ITGA3: variants seen among roughly 807,000 people sequenced by gnomAD.
The protein encoded by ITGA3 is integrin subunit alpha 3, also known as integrin alpha-3.
A neutral mutation model predicts 131.1 loss-of-function variants in ITGA3; 70 were observed. The ratio of observed to expected loss-of-function variants is 0.53; its 90% confidence interval spans 0.44 to 0.65. ITGA3 has a LOEUF of 0.65. ITGA3 is among the 30% of genes least tolerant of loss of function. The probability of loss-of-function intolerance (pLI) is 0.00; values close to 1 mark genes in which losing one functional copy is unlikely to be tolerated. For synonymous variants in ITGA3, 537 were observed against 571.6 expected, an observed-to-expected ratio of 0.94 and a Z score of 0.86; for missense variants, 1,098 against 1,388.6, an observed-to-expected ratio of 0.79 and a Z score of 3.33.
chr17:50,080,237 G>T, intron 21 of ITGA3, 25 bp from the exon 22 acceptor site: 1 of 1,379,488 alleles, frequency 7.2e-7, no homozygotes. Context: ...ACTATGTCAC[G>T]TCTTGCGTTC....
chr17:50,077,478 C>T, intron 16 of ITGA3, 31 bp downstream of exon 16: 1 of 1,551,188 alleles, frequency 6.4e-7, no homozygotes, highest in Non-Finnish European at 8.9e-7. Flanking sequence ...CCCAGTCCTC[C>T]TGGGTCCCTG....
rs1399906550 is a variant in ITGA3, at chr17:50,056,460, C to G, written c.21C>G (p.Arg7=). 1 of 1,535,940 alleles carries G rather than the reference C, an allele frequency of 6.5e-7. No homozygotes were observed. Among genetic ancestry groups the G allele is most frequent in the Non-Finnish European group, 8.8e-7 (1 of 1,141,212 alleles). Reference sequence around the variant, plus strand: ...CAGCCATGGGCCCCGGCCCCAGCCGCGCGCCCCGCGCCCCACGCCTGATGC... The same window carrying G: ...CAGCCATGGGCCCCGGCCCCAGCCGGGCGCCCCGCGCCCCACGCCTGATGC... MGPGPS[R]APRAPRLMLC... The change falls in exon 1 of 26, where the codon CGC becomes CGG. Residue 7 remains arginine, a synonymous_variant. Coordinates refer to ENST00000320031, the MANE Select transcript of ITGA3 (RefSeq NM_002204.4). The surrounding 1 kb of genome is among the most constrained non-coding windows in gnomAD (Gnocchi z 5.6).
chr17:50,064,352 A>G lies in ITGA3; in HGVS notation c.334+148A>G, dbSNP rs1013418576. The stretch of plus-strand genomic sequence containing the variant: ...CTGGGAAGAGGGTGCCCTAGAGGAG[A>G]GTGGGGCTGGATGGGATTGGTAGAG... On this transcript the variant is annotated intron_variant, in intron 2 of 25. Coordinates refer to ENST00000320031, the MANE Select transcript of ITGA3 (RefSeq NM_002204.4). The surrounding 1 kb of genome is among the most constrained non-coding windows in gnomAD (Gnocchi z 4.4). The G allele has an allele frequency of 1.9e-5, 22 of 1,182,738 alleles. No homozygotes were observed. Among genetic ancestry groups the G allele is most frequent in the Non-Finnish European group, 2.5e-5 (21 of 840,270 alleles). 73.3% of individuals were successfully genotyped at this position (1,182,738 alleles called of 1,614,324 possible). A position where few individuals can be genotyped will look rare whatever the true frequency, so the allele number is the denominator to read the frequency against.
chr17:50,072,097 C>A lies in ITGA3; in HGVS notation c.1071C>A (p.Pro357=), dbSNP rs1908657976. Residue 357 remains proline (P), a synonymous_variant, in exon 7 of 26, where the codon CCC becomes CCA. Transcript: ENST00000320031. ...NQAGTSFPAH[P]SLLLHGPSGS... ...CGGGAACCTCCTTCCCTGCTCACCC[C>A]TCACTCCTTCTTCATGGCCCCAGTG... 2 of 1,614,102 alleles carry A rather than the reference C, an allele frequency of 1.2e-6. No individual in the cohort carries two copies. The highest frequency in any genetic ancestry group is 4.5e-5 in the East Asian group (2 of 44,864).
Position 50,079,580 on chromosome 17 carries a change from G to A in ITGA3, c.2706+23G>A, listed in dbSNP as rs562810123. On this transcript the variant is annotated intron_variant, in intron 21 of 25. Coordinates refer to ENST00000320031, the MANE Select transcript of ITGA3 (RefSeq NM_002204.4). ...CTGGTGAGTGGCCAGGGCGAGGTTG[G>A]AGGGGATTGCATCCACCCCATCACA... The A allele has an allele frequency of 2.0e-5, 30 of 1,506,830 alleles. No individual in the cohort carries two copies. In the South Asian group the frequency reaches 3.3e-4, roughly 16 times the overall value. 93.3% of individuals were successfully genotyped at this position (1,506,830 alleles called of 1,614,324 possible). A position where few individuals can be genotyped will look rare whatever the true frequency, so the allele number is the denominator to read the frequency against.
At position 50,079,114 on chromosome 17, in the gene ITGA3, C is replaced by A. The variant is rs1462585644; in HGVS notation, c.2439C>A (p.Thr813=). Residue 813 remains threonine, a synonymous_variant, in exon 20 of 26, where the codon ACC becomes ACA. Transcript: ENST00000320031. ...GGGAGGGGCTGGTGGGCCTGGGGAC[C>A]CTGGTCCTAGGTCTGGAGTGGCCCT... is the stretch of plus-strand genomic sequence containing the variant. The part of the protein sequence containing the change: ...PMGEGLVGLG[T]LVLGLEWPYE... 3.1e-6 allele frequency: 5 copies of A among 1,613,664 alleles called. No individual in the cohort carries two copies. The highest frequency in any genetic ancestry group is 1.6e-4 in the Middle Eastern group (1 of 6,082).
At position 50,090,038 on chromosome 17, in the gene ITGA3, C is replaced by T. The variant is rs1450398432; in HGVS notation, c.*960C>T. ...CAGAGAGGAGGGGACCAATTCTGGACAGACAGATGTTGGGAGGATACAGAG... is the reference window on the plus strand; with the variant it reads ...CAGAGAGGAGGGGACCAATTCTGGATAGACAGATGTTGGGAGGATACAGAG... On this transcript the variant is annotated 3_prime_UTR_variant, in exon 26 of 26. Transcript: ENST00000320031. The T allele has an allele frequency of 1.0e-5, 3 of 292,306 alleles. No homozygotes were observed. In the East Asian group the frequency reaches 2.9e-4, roughly 28 times the overall value. 18.1% of individuals were successfully genotyped at this position (292,306 alleles called of 1,614,324 possible).
Position 50,077,051 on chromosome 17 carries a change from G to T in ITGA3, c.2000G>T (p.Gly667Val). The change falls in exon 15 of 26, where the codon GGG (glycine) becomes GTG (valine). Residue 667 changes from glycine to valine, a missense_variant. Coordinates refer to ENST00000320031, the MANE Select transcript of ITGA3 (RefSeq NM_002204.4). ...AACACCCGGACCTCGGAGCGCTCCG[G>T]GGAGGACGCCCACGAGGCGCTGCTC... ...VTNTRTSERS[G>V]EDAHEALLTL... The T allele has an allele frequency of 6.2e-7, 1 of 1,607,000 alleles. No homozygotes were observed.
Position 50,064,619 on chromosome 17 carries a change from C to A in ITGA3, c.414+12C>A. On this transcript the variant is annotated intron_variant, in intron 3 of 25. Transcript: ENST00000320031. The surrounding 1 kb of genome is among the most constrained non-coding windows in gnomAD (Gnocchi z 4.4). The stretch of plus-strand genomic sequence containing the variant: ...CAGGCAGAGTTCTGGTAAGTGGGTG[C>A]TCAGTGTTGGCTCCTCCACCTCTAC... 3 of 1,607,946 alleles carry A rather than the reference C, an allele frequency of 1.9e-6. No homozygotes were observed. The highest frequency in any genetic ancestry group is 2.5e-6 in the Non-Finnish European group (3 of 1,177,384).
intron 6 of ITGA3, 84 bp downstream of exon 6, chr17:50,071,602 G>T: frequency 7.8e-7 from 1 of 1,279,828 alleles, no homozygotes; most frequent in South Asian, 1.4e-5. Context: ...GGGAGTGGAG[G>T]ATTTGCAGTT....
At position 50,056,320 on chromosome 17, in the gene ITGA3, A is replaced by G. The variant is rs1907802912; in HGVS notation, c.-120A>G. Reference sequence around the variant, plus strand: ...GGCACGAAACCGATCAGCGCTACGGAGCGCAGCGGCCGGCGGGTTCCAGTG... The same window carrying G: ...GGCACGAAACCGATCAGCGCTACGGGGCGCAGCGGCCGGCGGGTTCCAGTG... On this transcript the variant is annotated 5_prime_UTR_variant, in exon 1 of 26. Transcript: ENST00000320031. The surrounding 1 kb of genome is among the most constrained non-coding windows in gnomAD (Gnocchi z 5.6). The G allele has an allele frequency of 1.6e-6, 1 of 636,854 alleles. No individual in the cohort carries two copies. Among genetic ancestry groups the G allele is most frequent in the Non-Finnish European group, 2.5e-6 (1 of 402,016 alleles). The allele number at this position is 636,854 out of a possible 1,614,324, so 39.5% of individuals were successfully genotyped here.
In ITGA3 at chr17:50,074,276, C is replaced by T. The variant is rs151126162; in HGVS notation, c.1378C>T (p.Leu460=). Residue 460 remains leucine (L), a synonymous_variant, in exon 9 of 26, where the codon CTG becomes TTG. Coordinates refer to ENST00000320031, the MANE Select transcript of ITGA3 (RefSeq NM_002204.4). ...AAGCCTGTCAGACCACATTGTGCTG[C>T]TGCGGTGAGCCAGGAGGCCAGTGAA... The part of the protein sequence containing the change: ...VGSLSDHIVL[L]RARPVINIVH... 1 of 1,613,954 alleles carries T rather than the reference C, an allele frequency of 6.2e-7. No individual in the cohort carries two copies. Among genetic ancestry groups the T allele is most frequent in the Non-Finnish European group, 8.5e-7 (1 of 1,179,878 alleles).
chr17:50,056,666 TG>T lies in ITGA3; in HGVS notation c.206+25del. 6.3e-7 allele frequency: 1 copy of T among 1,590,240 alleles called. No homozygotes were observed. Among genetic ancestry groups the T allele is most frequent in the Non-Finnish European group, 8.5e-7 (1 of 1,169,650 alleles). Reference sequence around the variant, plus strand: ...TACCTGTAAGTGAAGCTGGAGGGTGTGGGGTGGGAGCGAGAGAGTGTGCGAG... The same window carrying T: ...TACCTGTAAGTGAAGCTGGAGGGTGTGGGTGGGAGCGAGAGAGTGTGCGAG... On this transcript the variant is annotated intron_variant, in intron 1 of 25. Coordinates refer to ENST00000320031, the MANE Select transcript of ITGA3 (RefSeq NM_002204.4). The surrounding 1 kb of genome is among the most constrained non-coding windows in gnomAD (Gnocchi z 5.6).
At chr17:50,061,878 A>T (rs563727580) in intron 1 of ITGA3, among the ~76,000 whole-genome samples, 1 of 152,150 alleles carries the variant, frequency 6.6e-6, no homozygotes, top group Admixed American at 6.5e-5. Context: ...CATCTCTAGT[A>T]CAAATACAAA....
chr17:50,065,538 G>A (rs1308574597), intron 3 of ITGA3: 1 of 152,200 alleles, frequency 6.6e-6, no homozygotes, highest in African/African-American at 2.4e-5. Context: ...CTCAGTCTTA[G>A]AATGTGTTGC....
chr17:50,071,906 C>G, intron 6 of ITGA3, 80 bp from the exon 7 acceptor site: 1 of 1,302,188 alleles, frequency 7.7e-7, no homozygotes, highest in Admixed American at 2.0e-5. Context: ...TGCCCTGGCA[C>G]AGTCACACCT....
At chr17:50,069,898 C>A (rs958679988) in intron 4 of ITGA3, among the ~76,000 whole-genome samples, 2 of 152,158 alleles carry the variant, frequency 1.3e-5, no homozygotes, top group Non-Finnish European at 2.9e-5. Flanking sequence ...GCAATAGGGA[C>A]CCCTTTTCCC....
intron 1 of ITGA3, among the ~76,000 whole-genome samples, chr17:50,060,916 A>G (rs1908047086): frequency 1.3e-5 from 2 of 152,136 alleles, no homozygotes; most frequent in African/African-American, 4.8e-5. Flanking sequence ...TCATTTGCAT[A>G]CAGTAAGGTC....
intron 1 of ITGA3, among the ~76,000 whole-genome samples, chr17:50,060,537 T>C (rs1908027785): frequency 6.6e-6 from 1 of 152,162 alleles, no homozygotes; most frequent in Non-Finnish European, 1.5e-5. Context: ...TTTCGGAACT[T>C]GGAGCTCAAG....
Sources: allele counts gnomAD v4.1 joint callset (sites outside exome capture counted in the v4.1 genomes callset), GRCh38; gene constraint gnomAD v4.1.1; non-coding constraint Gnocchi (gnomAD v3.1); transcripts MANE v1.5; gene names NCBI Gene and HGNC (gene_info 2026-07-23, HGNC 2026-07-21).